Variants in EPB41L3 observed in about 807,000 individuals in gnomAD.
EPB41L3 encodes the protein erythrocyte membrane protein band 4.1 like 3.
A neutral mutation model predicts 127.1 loss-of-function variants in EPB41L3; 57 were observed. That is an observed-to-expected ratio of 0.45 (90% CI 0.36 to 0.56). EPB41L3 has a LOEUF of 0.56. EPB41L3 is among the 20% of genes least tolerant of loss of function. EPB41L3 has a pLI of 0.00. For synonymous variants in EPB41L3, 572 were observed against 549.5 expected, an observed-to-expected ratio of 1.04 and a Z score of -0.57; for missense variants, 1,273 against 1,372.2, an observed-to-expected ratio of 0.93 and a Z score of 1.14.
chr18:5,596,079 G>C (rs1397036501), intron 3 of EPB41L3, among the ~76,000 whole-genome samples: 1 of 152,172 alleles, frequency 6.6e-6, no homozygotes, highest in African/African-American at 2.4e-5. Context: ...ACAATGGAAT[G>C]AGCCACCTCA....
chr18:5,395,772 C>T lies in EPB41L3; in HGVS notation c.2974-65G>A, dbSNP rs534090572. The T allele has an allele frequency of 1.0e-4, 132 of 1,296,914 alleles. No individual in the cohort carries two copies. In the Admixed American group the frequency reaches 1.2e-3, roughly 12 times the overall value. 80.3% of individuals were successfully genotyped at this position (1,296,914 alleles called of 1,614,324 possible). ...ACATCTGCTCTTCAGAAGTTGGCTA[C>T]GTTATTTAAGGCATTACGACAATTT... is the stretch of plus-strand genomic sequence containing the variant. On this transcript the variant is annotated intron_variant, in intron 19 of 22. Coordinates refer to ENST00000341928, the MANE Select transcript of EPB41L3 (RefSeq NM_012307.5).
chr18:5,499,829 G>GTA (rs35194563), intron 1 of EPB41L3, among the ~76,000 whole-genome samples: 3,224 of 124,556 alleles, frequency 0.026, 141 homozygotes, highest in African/African-American at 0.052. Context: ...CTATGTGTGT[G>GTA]TATATATATA....
intron 3 of EPB41L3, among the ~76,000 whole-genome samples, chr18:5,475,467 G>A (rs1255226024): frequency 2.6e-5 from 4 of 152,222 alleles, no homozygotes. Context: ...CTGGATCTGT[G>A]CAACGCAGGA....
rs747581604 is a variant in EPB41L3 at position 5,489,022 on chromosome 18, G to C, written c.162C>G (p.His54Gln). 8.2e-6 allele frequency: 13 copies of C among 1,587,726 alleles called. No individual in the cohort carries two copies. The African/African-American group carries it at 1.7e-4, about 20-fold the overall frequency. Residue 54 changes from histidine to glutamine, a missense_variant, in exon 2 of 23, where the codon CAC becomes CAG. His to Gln is a conservative substitution (Grantham distance 24). Coordinates refer to ENST00000341928, the MANE Select transcript of EPB41L3 (RefSeq NM_012307.5). The part of the protein sequence containing the change: ...ALEQFAAAAA[H>Q]STPVRREVTD... ...TCACCTCCCTCCGCACCGGGGTGCT[G>C]TGCGCTGCAGCGGCGGCGAACTGCT... is the stretch of plus-strand genomic sequence containing the variant.
At chr18:5,438,143 T>C (rs2080138090) in intron 5 of EPB41L3, 33 bp from the exon 6 acceptor site, 2 of 1,599,260 alleles carry the variant, frequency 1.3e-6, no homozygotes, top group Non-Finnish European at 1.7e-6. Context: ...GAGTAAAACC[T>C]TGAGAAATTC....
intron 3 of EPB41L3, among the ~76,000 whole-genome samples, chr18:5,611,764 CA>C (rs1341470723): frequency 6.6e-6 from 1 of 151,820 alleles, no homozygotes; most frequent in Non-Finnish European, 1.5e-5. Context: ...ACTGTCTCTA[CA>C]AAAAATTTTT....
At chr18:5,407,319 C>T (rs925544940) in intron 15 of EPB41L3, 8 of 390,274 alleles carry the variant, frequency 2.0e-5, no homozygotes, top group Non-Finnish European at 2.8e-5. Context: ...GCTGAGAAGT[C>T]ATCCCCACTT....
At position 5,397,074 on chromosome 18, in the gene EPB41L3, T is replaced by C. The variant is rs1227242718; in HGVS notation, c.2825A>G (p.Gln942Arg). 13 of 1,599,076 alleles carry C rather than the reference T, an allele frequency of 8.1e-6. No homozygotes were observed. Among genetic ancestry groups the C allele is most frequent in the Non-Finnish European group, 1.1e-5 (13 of 1,174,168 alleles). ...AAIHISETLE[Q>R]KPHFESSTVK... Reference sequence around the variant, plus strand: ...ACTAGTTACCTCAAAATGAGGTTTTTGTTCCAAAGTTTCTGAAATGTGGAT... The same window carrying C: ...ACTAGTTACCTCAAAATGAGGTTTTCGTTCCAAAGTTTCTGAAATGTGGAT... The change falls in exon 18 of 23, where the codon CAA becomes CGA. Residue 942 changes from glutamine (Q) to arginine (R), a missense_variant. Physicochemically the swap from Gln to Arg is conservative, Grantham distance 43 (BLOSUM62 1). Transcript: ENST00000341928. The surrounding 1 kb of genome is among the most constrained non-coding windows in gnomAD (Gnocchi z 4.1).
intron 3 of EPB41L3, among the ~76,000 whole-genome samples, chr18:5,466,707 A>C (rs1032306756): frequency 5.3e-5 from 8 of 152,224 alleles, no homozygotes; most frequent in African/African-American, 1.9e-4. Context: ...AAGTTAAAAG[A>C]CATCCTCCTT....
intron 3 of EPB41L3, among the ~76,000 whole-genome samples, chr18:5,451,110 T>C (rs1424932003): frequency 1.3e-5 from 2 of 152,226 alleles, no homozygotes; most frequent in East Asian, 3.9e-4. Context: ...AACTGGAGCA[T>C]GTTTATAAAG....
chr18:5,596,099 C>T (rs1207192205), intron 3 of EPB41L3, among the ~76,000 whole-genome samples: 1 of 152,186 alleles, frequency 6.6e-6, no homozygotes, highest in Non-Finnish European at 1.5e-5. Flanking sequence ...ACATAGTGTC[C>T]ATCCTCTGAA....
chr18:5,581,754 T>C (rs184058675), intron 3 of EPB41L3, among the ~76,000 whole-genome samples: 1 of 152,250 alleles, frequency 6.6e-6, no homozygotes, highest in East Asian at 1.9e-4. Context: ...CCCAGCACTT[T>C]AGGAGGCCGA....
At chr18:5,567,914 T>C (rs1183885055) in intron 3 of EPB41L3, among the ~76,000 whole-genome samples, 1 of 152,152 alleles carries the variant, frequency 6.6e-6, no homozygotes, top group African/African-American at 2.4e-5. Flanking sequence ...ACTGAGAATA[T>C]TATAGTCACA....
intron 3 of EPB41L3, among the ~76,000 whole-genome samples, chr18:5,456,539 C>T (rs559501300): frequency 2.0e-5 from 3 of 152,260 alleles, no homozygotes; most frequent in South Asian, 2.1e-4. Flanking sequence ...TCTGCACTTG[C>T]GCATATCATA....
At chr18:5,454,191 T>G (rs183228586) in intron 3 of EPB41L3, among the ~76,000 whole-genome samples, 174 of 147,574 alleles carry the variant, frequency 1.2e-3, no homozygotes, top group African/African-American at 3.7e-3. Context: ...GGAGAGTGTG[T>G]TTTTTTTTTG....
intron 1 of EPB41L3, among the ~76,000 whole-genome samples, chr18:5,511,298 T>C (rs1465879565): frequency 1.3e-5 from 2 of 150,120 alleles, no homozygotes; most frequent in Non-Finnish European, 3.0e-5. Flanking sequence ...TTCTCTCCAA[T>C]ATCTCCCTTG....
chr18:5,449,220 G>A (rs745828817), intron 3 of EPB41L3, among the ~76,000 whole-genome samples: 11 of 151,468 alleles, frequency 7.3e-5, no homozygotes, highest in East Asian at 1.9e-4. Context: ...GCAAATAAGC[G>A]TATGAAAAGA....
Position 5,534,780 on chromosome 18 carries a change from G to T in EPB41L3, c.-12+9133C>A, listed in dbSNP as rs550526267. Reference sequence around the variant, plus strand: ...CTATGTGTATACTCTCATTAGACTGGTTCTAGATGTCTTCAAACACAGATC... The same window carrying T: ...CTATGTGTATACTCTCATTAGACTGTTTCTAGATGTCTTCAAACACAGATC... On this transcript the variant is annotated intron_variant, in intron 1 of 22. Transcript: ENST00000341928. 4.6e-5 allele frequency among the ~76,000 whole-genome samples: 7 copies of T among 152,278 alleles called. No homozygotes were observed. In the South Asian group the frequency reaches 1.2e-3, roughly 27 times the overall value.
chr18:5,494,357 T>C (rs543876167), intron 1 of EPB41L3, among the ~76,000 whole-genome samples: 40 of 152,192 alleles, frequency 2.6e-4, no homozygotes, highest in African/African-American at 8.7e-4. Context: ...TGAGTTGTGT[T>C]TAAAGAAACA....
Sources: gnomAD v4.1 joint callset for allele counts (sites outside exome capture counted in the v4.1 genomes callset) on GRCh38, gnomAD v4.1.1 for gene constraint, Gnocchi (gnomAD v3.1) non-coding constraint, MANE v1.5 for transcripts, NCBI Gene and HGNC (gene_info 2026-07-23, HGNC 2026-07-21) for gene names.